CADM1: variants seen among roughly 807,000 people sequenced by gnomAD.
CADM1 encodes the protein cell adhesion molecule 1, also known as TSLC-1.
Under a neutral mutation model 53.1 loss-of-function variants are expected in CADM1, and 15 were observed. That is an observed-to-expected ratio of 0.28 (90% CI 0.19 to 0.44). CADM1 has a LOEUF of 0.44. CADM1 is among the 20% of genes least tolerant of loss of function. The pLI is 1.00. For synonymous variants in CADM1, 281 were observed against 243.0 expected (o/e 1.16, Z -1.45); for missense variants, 434 against 611.3 (o/e 0.71, Z 3.06).
At chr11:115,482,752 C>T (rs191806588) in intron 1 of CADM1, among the ~76,000 whole-genome samples, 103 of 152,234 alleles carry the variant, frequency 6.8e-4, no homozygotes, top group African/African-American at 2.3e-3. Context: ...GGAAGATATA[C>T]GCCAAGAAAA....
chr11:115,490,392 ATTT>A (rs35633504), intron 1 of CADM1, among the ~76,000 whole-genome samples: 5 of 109,322 alleles, frequency 4.6e-5, no homozygotes, highest in Non-Finnish European at 5.4e-5. Context: ...GGAAGAACAG[ATTT>A]TTTTTTTTTT....
chr11:115,424,518 TTTG>T (rs747085853), intron 1 of CADM1, among the ~76,000 whole-genome samples: 1 of 152,196 alleles, frequency 6.6e-6, no homozygotes, highest in East Asian at 1.9e-4. Flanking sequence ...CTTTTCTTTT[TTTG>T]TTGTTTTGTT....
intron 1 of CADM1, among the ~76,000 whole-genome samples, chr11:115,440,585 A>T (rs1948287210): frequency 6.6e-6 from 1 of 152,212 alleles, no homozygotes; most frequent in African/African-American, 2.4e-5. Flanking sequence ...ATAAGCATTC[A>T]TGTATTAAGT....
chr11:115,390,348 T>TGA lies in CADM1; in HGVS notation c.124+113921_124+113922dup, dbSNP rs933398353. Among the ~76,000 whole-genome samples, 4 of 147,878 alleles carry TGA rather than the reference T, an allele frequency of 2.7e-5. No homozygotes were observed. In the South Asian group the frequency reaches 8.5e-4, roughly 32 times the overall value. ...TATATTGGGAAATGGTGATATTCAC[T>TGA]GAGAGAGAGGGAGAAGGGGAAAGGG... On this transcript the variant is annotated intron_variant, in intron 1 of 11. Transcript: ENST00000331581.
chr11:115,185,537 T>C (rs1591583607), intron 10 of CADM1, among the ~76,000 whole-genome samples: 1 of 152,188 alleles, frequency 6.6e-6, no homozygotes, highest in African/African-American at 2.4e-5. Context: ...TTTTGGGTTT[T>C]TTCTTGTTGA....
At chr11:115,477,075 C>A (rs889508189) in intron 1 of CADM1, among the ~76,000 whole-genome samples, 3 of 151,506 alleles carry the variant, frequency 2.0e-5, no homozygotes, top group African/African-American at 7.3e-5. Flanking sequence ...CAGGATAGGG[C>A]AGGATAGCAT....
At chr11:115,185,465 C>T (rs967998194) in intron 10 of CADM1, among the ~76,000 whole-genome samples, 2 of 152,182 alleles carry the variant, frequency 1.3e-5, no homozygotes, top group African/African-American at 2.4e-5. Context: ...GGTTTCGATT[C>T]GGGTGTACCA....
At chr11:115,320,105 C>A (rs1045402665) in intron 1 of CADM1, among the ~76,000 whole-genome samples, 1 of 152,072 alleles carries the variant, frequency 6.6e-6, no homozygotes, top group Non-Finnish European at 1.5e-5. Flanking sequence ...GCTCTGTCAC[C>A]CAGGCCGGAG....
intron 1 of CADM1, among the ~76,000 whole-genome samples, chr11:115,262,102 A>G (rs1156574538): frequency 6.6e-6 from 1 of 151,436 alleles, no homozygotes; most frequent in Non-Finnish European, 1.5e-5. Flanking sequence ...TTTTTAAATC[A>G]CAGCAGCATG....
At chr11:115,470,265 T>C (rs138224211) in intron 1 of CADM1, among the ~76,000 whole-genome samples, 18 of 152,278 alleles carry the variant, frequency 1.2e-4, no homozygotes, top group African/African-American at 4.1e-4. Context: ...TAATTAGGTG[T>C]GTTAGGAAAA....
At chr11:115,186,701 C>G (rs1347046825) in intron 10 of CADM1, among the ~76,000 whole-genome samples, 1 of 152,214 alleles carries the variant, frequency 6.6e-6, no homozygotes, top group East Asian at 1.9e-4. Flanking sequence ...CTTCTATTAT[C>G]TGGCTCATTC....
chr11:115,285,340 C>T (rs1201734220), intron 1 of CADM1, among the ~76,000 whole-genome samples: 1 of 152,220 alleles, frequency 6.6e-6, no homozygotes, highest in Admixed American at 6.5e-5. Flanking sequence ...TGTGTACCTA[C>T]TCTGTGCTAC....
chr11:115,474,188 G>A (rs1288484253), intron 1 of CADM1, among the ~76,000 whole-genome samples: 1 of 150,840 alleles, frequency 6.6e-6, no homozygotes. Flanking sequence ...CTACTCTGGA[G>A]GCTGAGGCAG....
At chr11:115,448,538 T>C (rs191823310) in intron 1 of CADM1, among the ~76,000 whole-genome samples, 2 of 152,106 alleles carry the variant, frequency 1.3e-5, no homozygotes, top group African/African-American at 2.4e-5. Context: ...ATATAAAACA[T>C]TAAAAAATTA....
At chr11:115,194,072 C>T (rs1019056229) in intron 9 of CADM1, 4 of 152,246 alleles carry the variant, frequency 2.6e-5, no homozygotes, top group African/African-American at 9.6e-5. Flanking sequence ...GAAACACAAT[C>T]TTCAGGTCCT....
At chr11:115,312,140 A>G (rs1016815763) in intron 1 of CADM1, among the ~76,000 whole-genome samples, 4 of 152,186 alleles carry the variant, frequency 2.6e-5, no homozygotes, top group Non-Finnish European at 4.4e-5. Flanking sequence ...GTGTAGTGAC[A>G]GCCATAGGAG....
At chr11:115,341,866 T>C (rs945641973) in intron 1 of CADM1, among the ~76,000 whole-genome samples, 2 of 152,234 alleles carry the variant, frequency 1.3e-5, no homozygotes, top group Non-Finnish European at 2.9e-5. Context: ...CTCTTATATA[T>C]GTAACTTAAG....
At chr11:115,186,292 C>A (rs762992492) in intron 10 of CADM1, among the ~76,000 whole-genome samples, 2 of 152,170 alleles carry the variant, frequency 1.3e-5, no homozygotes, top group Non-Finnish European at 2.9e-5. Context: ...GACAACAGTA[C>A]TAAACTACTG....
intron 1 of CADM1, among the ~76,000 whole-genome samples, chr11:115,395,243 T>C (rs1452082989): frequency 2.0e-5 from 3 of 152,196 alleles, no homozygotes; most frequent in Non-Finnish European, 4.4e-5. Flanking sequence ...TGGGAATCAT[T>C]GACGTAAAGT....
Sources: allele counts gnomAD v4.1 joint callset (sites outside exome capture counted in the v4.1 genomes callset), GRCh38; gene constraint gnomAD v4.1.1; transcripts MANE v1.5; gene names NCBI Gene and HGNC (gene_info 2026-07-23, HGNC 2026-07-21).